ENOX1: variants seen among roughly 807,000 people sequenced by gnomAD.
ENOX1 encodes the protein candidate growth-related and time keeping constitutive hydroquinone (NADH) oxidase.
In ENOX1, 42 loss-of-function variants were observed where a neutral mutation model predicts 82.5. That is an observed-to-expected ratio of 0.51 (90% CI 0.40 to 0.66). ENOX1 has a LOEUF of 0.66. Among genes scored for constraint, ENOX1 ranks in the 30% least tolerant of loss-of-function variants. The pLI, the probability that ENOX1 is intolerant of heterozygous loss-of-function variation, is 0.00. For missense variants in ENOX1, 608 were observed against 811.6 expected (o/e 0.75, Z 3.05); for synonymous variants, 271 against 282.2 (o/e 0.96, Z 0.40).
chr13:43,370,324 G>A (rs149857064), intron 5 of ENOX1, among the ~76,000 whole-genome samples: 1,530 of 151,932 alleles, frequency 0.01, 20 homozygotes, highest in East Asian at 0.052. Flanking sequence ...CCGAGATCGC[G>A]CCACTGCAGT....
chr13:43,480,059 CT>C (rs1216010431), intron 3 of ENOX1, among the ~76,000 whole-genome samples: 1 of 152,052 alleles, frequency 6.6e-6, no homozygotes, highest in East Asian at 1.9e-4. Context: ...CCATAGCCTC[CT>C]GAAGTAGCTG....
chr13:43,587,596 T>C (rs1045104115), intron 2 of ENOX1, among the ~76,000 whole-genome samples: 8 of 152,326 alleles, frequency 5.3e-5, no homozygotes, highest in African/African-American at 1.4e-4. Flanking sequence ...GGATAGTCTA[T>C]CAGTATATTT....
chr13:43,747,842 T>C (rs189945447), intron 1 of ENOX1, among the ~76,000 whole-genome samples: 1 of 152,348 alleles, frequency 6.6e-6, no homozygotes, highest in Admixed American at 6.5e-5. Flanking sequence ...ATAGAATTCA[T>C]GGAAGTTCTT....
At chr13:43,632,237 A>AT (rs574838147) in intron 2 of ENOX1, among the ~76,000 whole-genome samples, 129 of 151,304 alleles carry the variant, frequency 8.5e-4, no homozygotes, top group South Asian at 6.5e-3. Context: ...TAGATGGTGA[A>AT]TTTTTTTTTA....
intron 2 of ENOX1, among the ~76,000 whole-genome samples, chr13:43,581,090 G>T (rs1233496696): frequency 6.9e-6 from 1 of 144,474 alleles, no homozygotes; most frequent in Non-Finnish European, 1.5e-5. Flanking sequence ...AGATACTCAG[G>T]TATCTGACCT....
intron 2 of ENOX1, among the ~76,000 whole-genome samples, chr13:43,615,796 T>A (rs1049253866): frequency 1.3e-5 from 2 of 151,826 alleles, no homozygotes; most frequent in East Asian, 1.9e-4. Flanking sequence ...CCTGTGTCCA[T>A]GTGTTCTCTT....
At chr13:43,528,941 T>C (rs1421347899) in intron 2 of ENOX1, among the ~76,000 whole-genome samples, 7 of 152,074 alleles carry the variant, frequency 4.6e-5, no homozygotes, top group African/African-American at 1.7e-4. Context: ...TATTTGATAA[T>C]TGCCTTGTAT....
intron 14 of ENOX1, among the ~76,000 whole-genome samples, chr13:43,261,845 G>C (rs1306245945): frequency 2.4e-5 from 3 of 125,046 alleles, no homozygotes; most frequent in African/African-American, 9.0e-5. Context: ...GTTGTGGGGT[G>C]GGGGGAGGGG....
At chr13:43,214,703 C>A (rs1423591409) in intron 16 of ENOX1, among the ~76,000 whole-genome samples, 1 of 152,100 alleles carries the variant, frequency 6.6e-6, no homozygotes, top group African/African-American at 2.4e-5. Flanking sequence ...TTTTTTAATG[C>A]AACTTTTTTC....
intron 5 of ENOX1, among the ~76,000 whole-genome samples, chr13:43,410,790 C>T (rs1043566073): frequency 1.3e-5 from 2 of 152,056 alleles, no homozygotes; most frequent in African/African-American, 4.8e-5. Flanking sequence ...ATTCCAAATG[C>T]GATTGGTTTC....
Position 43,372,967 on chromosome 13 carries a change from A to G in ENOX1, c.209-11515T>C, listed in dbSNP as rs116074935. 2.7e-3 allele frequency among the ~76,000 whole-genome samples: 407 copies of G among 152,250 alleles called. 1 individual carries two copies. Among genetic ancestry groups the G allele is most frequent in the African/African-American group, 9.3e-3 (388 of 41,542 alleles). On this transcript the variant is annotated intron_variant, in intron 5 of 16. Coordinates refer to ENST00000690772, the MANE Select transcript of ENOX1 (RefSeq NM_001347969.2). Reference sequence around the variant, plus strand: ...CAAAAAAAAAAGGACTAAAAAGAGTATTTACCCTGACAGCATTGTTCTGAG... The same window carrying G: ...CAAAAAAAAAAGGACTAAAAAGAGTGTTTACCCTGACAGCATTGTTCTGAG...
chr13:43,735,250 A>T (rs117068145), intron 1 of ENOX1, among the ~76,000 whole-genome samples: 2,327 of 152,302 alleles, frequency 0.015, 20 homozygotes, highest in Middle Eastern at 0.024. Flanking sequence ...AAAGACCACA[A>T]TTACAACCTG....
chr13:43,267,414 T>C (rs2044444696), intron 13 of ENOX1, among the ~76,000 whole-genome samples: 1 of 152,212 alleles, frequency 6.6e-6, no homozygotes, highest in Non-Finnish European at 1.5e-5. Context: ...CTGGAGGGGC[T>C]GGGGCCTGAG....
intron 2 of ENOX1, among the ~76,000 whole-genome samples, chr13:43,603,519 T>C (rs1321027818): frequency 2.7e-5 from 4 of 149,360 alleles, no homozygotes; most frequent in Non-Finnish European, 5.9e-5. Context: ...GTATATCTCC[T>C]AATGCTATCC....
chr13:43,471,369 G>A (rs1048057523), intron 3 of ENOX1, among the ~76,000 whole-genome samples: 5 of 151,900 alleles, frequency 3.3e-5, no homozygotes, highest in East Asian at 1.9e-4. Context: ...CAGAACTCAC[G>A]GAAATTCACT....
intron 12 of ENOX1, among the ~76,000 whole-genome samples, chr13:43,277,497 CAAGT>C (rs1457316306): frequency 6.6e-6 from 1 of 152,154 alleles, no homozygotes; most frequent in Non-Finnish European, 1.5e-5. Flanking sequence ...TGAGAAAGCT[CAAGT>C]AAGTGTTTCC....
At chr13:43,538,362 C>T (rs2078558635) in intron 2 of ENOX1, among the ~76,000 whole-genome samples, 1 of 152,102 alleles carries the variant, frequency 6.6e-6, no homozygotes, top group South Asian at 2.1e-4. Context: ...ACTTGGGGTA[C>T]ACATATATAA....
At chr13:43,481,775 T>C (rs2058516543) in intron 3 of ENOX1, among the ~76,000 whole-genome samples, 1 of 152,136 alleles carries the variant, frequency 6.6e-6, no homozygotes, top group Non-Finnish European at 1.5e-5. Flanking sequence ...AAGGGGTTAA[T>C]ATATTAAATA....
At chr13:43,333,796 T>C (rs2048546806) in intron 9 of ENOX1, among the ~76,000 whole-genome samples, 2 of 152,228 alleles carry the variant, frequency 1.3e-5, no homozygotes, top group African/African-American at 2.4e-5. Flanking sequence ...CTAATTTTTG[T>C]ATTTTTAGTA....
Sources: allele counts gnomAD v4.1 joint callset (sites outside exome capture counted in the v4.1 genomes callset), GRCh38; gene constraint gnomAD v4.1.1; transcripts MANE v1.5; gene names NCBI Gene and HGNC (gene_info 2026-07-23, HGNC 2026-07-21).